The following ZNF516 variants were observed in gnomAD, a reference collection of about 807,000 sequenced individuals.
The protein encoded by ZNF516 is zinc finger protein 516.
ZNF516 carries 19 observed loss-of-function variants against 79.7 expected under a neutral mutation model. The ratio of observed to expected loss-of-function variants is 0.24; its 90% CI spans 0.17 to 0.35. ZNF516 has a LOEUF of 0.35. Among genes scored for constraint, ZNF516 ranks in the 10% least tolerant of loss-of-function variants. The pLI is 1.00. For missense variants in ZNF516, 1,678 were observed against 1,679.5 expected (o/e 1.00, Z 0.02); for synonymous variants, 877 against 739.5 (o/e 1.19, Z -3.02).
chr18:76,470,199 T>C (rs1187815718), intron 1 of ZNF516, among the ~76,000 whole-genome samples: 1 of 152,194 alleles, frequency 6.6e-6, no homozygotes, highest in African/African-American at 2.4e-5. Flanking sequence ...CTTTGACAAT[T>C]CACGTTAACT....
At chr18:76,434,338 G>A (rs563796921) in intron 3 of ZNF516, among the ~76,000 whole-genome samples, 13 of 152,270 alleles carry the variant, frequency 8.5e-5, no homozygotes, top group East Asian at 3.9e-4. Flanking sequence ...GCTGAAAGTC[G>A]TATCCAGCAC....
At chr18:76,475,384 A>C (rs757863513) in intron 1 of ZNF516, among the ~76,000 whole-genome samples, 1 of 152,246 alleles carries the variant, frequency 6.6e-6, no homozygotes, top group Non-Finnish European at 1.5e-5. Flanking sequence ...AAGAGAAAGC[A>C]CTGAGTTTTG....
At chr18:76,395,906 G>A (rs897326138) in intron 3 of ZNF516, among the ~76,000 whole-genome samples, 7 of 152,148 alleles carry the variant, frequency 4.6e-5, no homozygotes, top group African/African-American at 9.7e-5. Flanking sequence ...CCCACACCGC[G>A]AGCTTCACCG....
At chr18:76,369,972 T>A (rs567838963) in intron 6 of ZNF516, among the ~76,000 whole-genome samples, 3 of 152,162 alleles carry the variant, frequency 2.0e-5, no homozygotes, top group African/African-American at 7.2e-5. Flanking sequence ...TCCCACACAC[T>A]CAGTGTGTAC....
chr18:76,364,388 A>G (rs1299145071), intron 6 of ZNF516, among the ~76,000 whole-genome samples: 2 of 152,220 alleles, frequency 1.3e-5, no homozygotes, highest in Admixed American at 6.5e-5. Context: ...ATTCAAATTA[A>G]GTGGACACAC....
intron 1 of ZNF516, chr18:76,492,243 C>A (rs1217894355): frequency 1.7e-5 from 17 of 985,316 alleles, no homozygotes; most frequent in Non-Finnish European, 2.0e-5. Context: ...AGATGCTGCT[C>A]GGCTCAGGTC....
At chr18:76,431,599 C>G (rs2145455929) in intron 3 of ZNF516, among the ~76,000 whole-genome samples, 1 of 152,324 alleles carries the variant, frequency 6.6e-6, no homozygotes, top group East Asian at 1.9e-4. Flanking sequence ...GGATGGGTCC[C>G]TTACGAATGG....
At chr18:76,495,723 G>A (rs1293710200), upstream of ZNF516, 57 of 1,182,678 alleles carry the variant, frequency 4.8e-5, no homozygotes, top group Non-Finnish European at 5.8e-5. Context: ...GGGTCCCGCC[G>A]GCGGGTACCT....
chr18:76,471,036 A>G (rs538890149), intron 1 of ZNF516, among the ~76,000 whole-genome samples: 5 of 152,170 alleles, frequency 3.3e-5, no homozygotes, highest in African/African-American at 4.8e-5. Flanking sequence ...AAGTGGATTA[A>G]TTTTTTAAAA....
At chr18:76,452,567 A>G (rs1912480848) in intron 2 of ZNF516, among the ~76,000 whole-genome samples, 2 of 152,238 alleles carry the variant, frequency 1.3e-5, no homozygotes, top group African/African-American at 4.8e-5. Context: ...TTCTTCCGCA[A>G]GTAGGTTACC....
In ZNF516 at chr18:76,442,379, C is replaced by T. The variant is rs1911735306; in HGVS notation, c.676G>A (p.Ala226Thr). ...LSHIERDHIT[A>T]QGPGSGEACV... Reference sequence around the variant, plus strand: ...GCCTCGCCGCTGCCGGGCCCCTGCGCGGTGATGTGGTCCCTCTCGATGTGG... The same window carrying T: ...GCCTCGCCGCTGCCGGGCCCCTGCGTGGTGATGTGGTCCCTCTCGATGTGG... The change falls in exon 3 of 7, where the codon GCG becomes ACG. Residue 226 changes from alanine (A) to threonine (T), a missense_variant. This residue lies in a region of ZNF516 where 279 missense variants were observed against 254.1 expected (regional missense o/e 1.10). Transcript: ENST00000443185. 3 of 1,608,992 alleles carry T rather than the reference C, an allele frequency of 1.9e-6. No homozygotes were observed. The highest frequency in any genetic ancestry group is 2.5e-6 in the Non-Finnish European group (3 of 1,179,534).
At chr18:76,488,360 C>A in intron 1 of ZNF516, 1 of 589,320 alleles carries the variant, frequency 1.7e-6, no homozygotes, top group Non-Finnish European at 2.1e-6. Context: ...TTGCGGGATG[C>A]TAGTTAGGCA....
chr18:76,453,500 C>T (rs1359505445), intron 2 of ZNF516, among the ~76,000 whole-genome samples: 1 of 152,140 alleles, frequency 6.6e-6, no homozygotes, highest in Non-Finnish European at 1.5e-5. Flanking sequence ...GCTAAAGTTG[C>T]GCATAACTCA....
intron 3 of ZNF516, among the ~76,000 whole-genome samples, chr18:76,412,033 C>T (rs754253968): frequency 6.6e-6 from 1 of 152,134 alleles, no homozygotes; most frequent in African/African-American, 2.4e-5. Flanking sequence ...TCTCCAAGAC[C>T]GTGTGGGTGT....
At chr18:76,427,085 G>A (rs570386886) in intron 3 of ZNF516, among the ~76,000 whole-genome samples, 10 of 152,312 alleles carry the variant, frequency 6.6e-5, no homozygotes, top group South Asian at 2.1e-4. Flanking sequence ...GAGAGAGAAC[G>A]GGCACAATGC....
Position 76,366,269 on chromosome 18 carries a change from A to C in ZNF516, c.3433-3712T>G, listed in dbSNP as rs542984277. Among the ~76,000 whole-genome samples, 4 of 152,326 alleles carry C rather than the reference A, an allele frequency of 2.6e-5. No homozygotes were observed. In the South Asian group the frequency reaches 8.3e-4, roughly 32 times the overall value. Reference sequence around the variant, plus strand: ...GTTTTGCTGAGATAGACGGTATATCACAATTTCTCAGAATTTTCCAGTATA... The same window carrying C: ...GTTTTGCTGAGATAGACGGTATATCCCAATTTCTCAGAATTTTCCAGTATA... On this transcript the variant is annotated intron_variant, in intron 6 of 6. Coordinates refer to ENST00000443185, the MANE Select transcript of ZNF516 (RefSeq NM_014643.4).
intron 2 of ZNF516, among the ~76,000 whole-genome samples, chr18:76,462,393 T>C (rs1054299419): frequency 1.3e-5 from 2 of 152,206 alleles, no homozygotes; most frequent in African/African-American, 4.8e-5. Flanking sequence ...ACACAGGCAC[T>C]CCTCCAACGC....
chr18:76,362,920 C>T (rs554157589), intron 6 of ZNF516, among the ~76,000 whole-genome samples: 32 of 152,246 alleles, frequency 2.1e-4, no homozygotes, highest in African/African-American at 5.1e-4. Context: ...GATGAGGAGG[C>T]GGCCAGATTG....
intron 4 of ZNF516, among the ~76,000 whole-genome samples, chr18:76,373,296 G>A (rs888939268): frequency 6.6e-6 from 1 of 151,536 alleles, no homozygotes; most frequent in South Asian, 2.1e-4. Context: ...GAAAAGGGAG[G>A]GAGGGAAAGA....
Sources: gnomAD v4.1 joint callset for allele counts (sites outside exome capture counted in the v4.1 genomes callset) on GRCh38, gnomAD v4.1.1 for gene constraint, gnomAD v4.1.1 regional missense constraint, MANE v1.5 for transcripts, NCBI Gene and HGNC (gene_info 2026-07-23, HGNC 2026-07-21) for gene names.